EXT1: variants seen among roughly 807,000 people sequenced by gnomAD.
EXT1 encodes the protein exostosin glycosyltransferase 1.
A neutral mutation model predicts 82.5 loss-of-function variants in EXT1; 20 were observed. That is an observed-to-expected ratio of 0.24 (90% CI 0.17 to 0.35). The LOEUF is 0.35. EXT1 is among the 10% of genes least tolerant of loss of function. The pLI is 1.00. For synonymous variants in EXT1, 348 were observed against 350.8 expected (o/e 0.99, Z 0.09); for missense variants, 757 against 936.5 (o/e 0.81, Z 2.50).
At chr8:117,831,180 T>C (rs545075501) in intron 3 of EXT1, among the ~76,000 whole-genome samples, 1 of 152,278 alleles carries the variant, frequency 6.6e-6, no homozygotes, top group Admixed American at 6.5e-5. Flanking sequence ...GTCAGAAAGA[T>C]CAAGGAAGGA....
At chr8:117,805,042 C>G in intron 9 of EXT1, 149 bp from the exon 10 acceptor site, 1 of 742,728 alleles carries the variant, frequency 1.3e-6, no homozygotes, top group Non-Finnish European at 2.3e-6. Flanking sequence ...CGATAACTAT[C>G]ACTTCTATGG....
At position 118,110,725 on chromosome 8, in the gene EXT1, G is replaced by C; in HGVS notation, c.322C>G (p.Leu108Val). Residue 108 changes from leucine to valine, a missense_variant, in exon 1 of 11, where the codon CTT (leucine) becomes GTT (valine). By Grantham distance (32) the Leu-to-Val change is conservative (BLOSUM62 1). Coordinates refer to ENST00000378204, the MANE Select transcript of EXT1 (RefSeq NM_000127.3). ...ACTTTGAAGCCGTTTTTCTTGCAAA[G>C]GGTGAAATCGAAGCAGGACTCCATG... Reference protein sequence around the residue: ...CRMESCFDFTLCKKNGFKVYV... With the variant: ...CRMESCFDFTVCKKNGFKVYV... 1 of 1,614,204 alleles carries C rather than the reference G, an allele frequency of 6.2e-7. No individual in the cohort carries two copies. Among genetic ancestry groups the C allele is most frequent in the South Asian group, 1.1e-5 (1 of 91,080 alleles).
chr8:118,107,078 T>C (rs1402961831), intron 1 of EXT1, among the ~76,000 whole-genome samples: 1 of 152,234 alleles, frequency 6.6e-6, no homozygotes, highest in Non-Finnish European at 1.5e-5. Context: ...ATTGCTCTTT[T>C]AGCACTAAAT....
intron 1 of EXT1, among the ~76,000 whole-genome samples, chr8:118,016,260 G>A (rs1816001947): frequency 6.6e-6 from 1 of 152,170 alleles, no homozygotes; most frequent in South Asian, 2.1e-4. Flanking sequence ...AGGCATGGTG[G>A]TGCACACCTG....
chr8:117,890,064 T>C (rs1475993986), intron 1 of EXT1, among the ~76,000 whole-genome samples: 1 of 152,214 alleles, frequency 6.6e-6, no homozygotes, highest in East Asian at 1.9e-4. Flanking sequence ...ATTGTATCTT[T>C]TACATCAACA....
At chr8:118,030,253 A>G (rs1816284368) in intron 1 of EXT1, among the ~76,000 whole-genome samples, 1 of 151,576 alleles carries the variant, frequency 6.6e-6, no homozygotes, top group African/African-American at 2.4e-5. Context: ...AAAAAAAAAA[A>G]GGCTAAGGAT....
At chr8:117,968,392 T>C (rs557463001) in intron 1 of EXT1, among the ~76,000 whole-genome samples, 1 of 152,246 alleles carries the variant, frequency 6.6e-6, no homozygotes, top group South Asian at 2.1e-4. Context: ...AGTTCTGGGA[T>C]TATAGGTGTG....
rs1029958544 is a variant in EXT1, at chr8:118,111,227, C to A, written c.-181G>T. On this transcript the variant is annotated 5_prime_UTR_variant, in exon 1 of 11. Coordinates refer to ENST00000378204, the MANE Select transcript of EXT1 (RefSeq NM_000127.3). ...CTGATCCAGCGCATGTGGGCGATTTCTTTAACTTTCTCCCCTTCGGTCTTT... is the reference window on the plus strand; with the variant it reads ...CTGATCCAGCGCATGTGGGCGATTTATTTAACTTTCTCCCCTTCGGTCTTT... 1 of 848,724 alleles carries A rather than the reference C, an allele frequency of 1.2e-6. No individual in the cohort carries two copies. 52.6% of individuals were successfully genotyped at this position (848,724 alleles called of 1,614,324 possible).
rs17503236 is a variant in EXT1 at position 117,819,015 on chromosome 8, G to C, written c.1537-485C>G. 2.5e-3 allele frequency among the ~76,000 whole-genome samples: 375 copies of C among 152,290 alleles called. 3 individuals are homozygous for C. The highest frequency in any genetic ancestry group is 8.5e-3 in the African/African-American group (355 of 41,572). On this transcript the variant is annotated intron_variant, in intron 6 of 10. Coordinates refer to ENST00000378204, the MANE Select transcript of EXT1 (RefSeq NM_000127.3). ...TAGAACTAAGATGAGCTCATGTTTT[G>C]CATGCTCTAGAATGGTTGCTGATTT...
At position 117,845,027 on chromosome 8, in the gene EXT1, G is replaced by A. The variant is rs1203943793; in HGVS notation, c.963-7826C>T. On this transcript the variant is annotated intron_variant, in intron 1 of 10. Transcript: ENST00000378204. ...CCCAAGCTGTCCACCGCAGAGAGCA[G>A]TGCGTGGCTAAAACCAGGGCCAGGA... Among the ~76,000 whole-genome samples, 3 of 152,218 alleles carry A rather than the reference G, an allele frequency of 2.0e-5. No homozygotes were observed. The East Asian group carries it at 5.8e-4, about 29-fold the overall frequency.
chr8:117,968,109 C>T (rs890321595), intron 1 of EXT1, among the ~76,000 whole-genome samples: 1 of 151,888 alleles, frequency 6.6e-6, no homozygotes, highest in Non-Finnish European at 1.5e-5. Flanking sequence ...ATAAAATTTA[C>T]TTTTTAAAAT....
At chr8:118,041,664 A>AGG (rs1322350827) in intron 1 of EXT1, among the ~76,000 whole-genome samples, 46 of 139,080 alleles carry the variant, frequency 3.3e-4, no homozygotes, top group African/African-American at 8.4e-4. Context: ...AAGAGAGAGA[A>AGG]AGAAGGAAGG....
chr8:117,922,888 A>C (rs1350445560), intron 1 of EXT1, among the ~76,000 whole-genome samples: 2 of 152,216 alleles, frequency 1.3e-5, no homozygotes, highest in Non-Finnish European at 2.9e-5. Context: ...CCCACACTGG[A>C]CTAATCATGG....
At chr8:117,860,433 T>C (rs1812661701) in intron 1 of EXT1, among the ~76,000 whole-genome samples, 1 of 152,198 alleles carries the variant, frequency 6.6e-6, no homozygotes, top group African/African-American at 2.4e-5. Flanking sequence ...ATGGGCAAAC[T>C]GAAAGCCCAG....
At chr8:117,956,280 A>G (rs775460265) in intron 1 of EXT1, among the ~76,000 whole-genome samples, 13 of 151,994 alleles carry the variant, frequency 8.6e-5, no homozygotes, top group South Asian at 2.1e-4. Context: ...ACTGGACCTC[A>G]GTTTCCTCAC....
At chr8:118,037,277 G>A (rs548022711) in intron 1 of EXT1, among the ~76,000 whole-genome samples, 1 of 152,214 alleles carries the variant, frequency 6.6e-6, no homozygotes, top group Non-Finnish European at 1.5e-5. Context: ...GGAGGGGGAT[G>A]TACGTGTGCA....
At chr8:117,973,629 A>T (rs920196397) in intron 1 of EXT1, among the ~76,000 whole-genome samples, 45 of 151,920 alleles carry the variant, frequency 3.0e-4, no homozygotes, top group African/African-American at 1.0e-3. Context: ...TTTCCTGGGC[A>T]TGGTGGTGTC....
chr8:117,907,380 G>T (rs1035548250), intron 1 of EXT1, among the ~76,000 whole-genome samples: 1 of 152,212 alleles, frequency 6.6e-6, no homozygotes, highest in Non-Finnish European at 1.5e-5. Context: ...CAAAGGGTTG[G>T]AGAGAACAAT....
intron 1 of EXT1, among the ~76,000 whole-genome samples, chr8:117,959,748 GC>G (rs1814661919): frequency 6.6e-6 from 1 of 152,308 alleles, no homozygotes; most frequent in South Asian, 2.1e-4. Context: ...AGGCACTTGA[GC>G]CCGGTGTCAG....
Sources: allele counts gnomAD v4.1 joint callset (sites outside exome capture counted in the v4.1 genomes callset), GRCh38; gene constraint gnomAD v4.1.1; transcripts MANE v1.5; gene names NCBI Gene and HGNC (gene_info 2026-07-23, HGNC 2026-07-21).